The following DEAF1 variants were observed in gnomAD, a reference collection of about 807,000 sequenced individuals.
DEAF1 encodes the protein deformed epidermal autoregulatory factor 1 homolog.
DEAF1 carries 53 observed loss-of-function variants against 58.9 expected under a neutral mutation model. The observed-to-expected ratio is 0.90, with a 90% CI of 0.72 to 1.13. The LOEUF is 1.13. DEAF1 is among the 50% of genes most tolerant of loss of function. DEAF1 has a pLI of 0.00. For missense variants in DEAF1, 685 were observed against 791.4 expected (o/e 0.87, Z 1.61); for synonymous variants, 385 against 340.4 (o/e 1.13, Z -1.44).
At chr11:701,441 C>T (rs568235619) in intron 1 of DEAF1, among the ~76,000 whole-genome samples, 43 of 129,724 alleles carry the variant, frequency 3.3e-4, no homozygotes, top group African/African-American at 8.7e-4. Context: ...GACAGAGTCT[C>T]GCTCTGTCGC....
intron 10 of DEAF1, among the ~76,000 whole-genome samples, chr11:673,442 C>T (rs1474437914): frequency 3.3e-5 from 5 of 152,030 alleles, no homozygotes; most frequent in Non-Finnish European, 5.9e-5. Flanking sequence ...GCACAAGAAT[C>T]GCTGGAGCCC....
chr11:649,951 G>A (rs181856689), intron 11 of DEAF1, among the ~76,000 whole-genome samples: 101 of 151,124 alleles, frequency 6.7e-4, no homozygotes, highest in African/African-American at 2.2e-3. Context: ...ACTTGAACCC[G>A]GGACGTTGAG....
chr11:660,347 C>G (rs941159252), intron 10 of DEAF1, among the ~76,000 whole-genome samples: 1 of 152,352 alleles, frequency 6.6e-6, no homozygotes, highest in African/African-American at 2.4e-5. Flanking sequence ...AGATTTACAA[C>G]CTGTCCCCGC....
At chr11:678,423 G>C in intron 9 of DEAF1, 2 of 412,282 alleles carry the variant, frequency 4.9e-6, no homozygotes, top group Admixed American at 7.0e-5. Flanking sequence ...AGAACTTCAG[G>C]CTTCACAGGC....
At chr11:671,768 A>C (rs1859833341) in intron 10 of DEAF1, among the ~76,000 whole-genome samples, 1 of 141,846 alleles carries the variant, frequency 7.0e-6, no homozygotes, top group East Asian at 2.3e-4. Flanking sequence ...CCGTATTTCC[A>C]GGAGTTTGAG....
At chr11:649,260 C>G (rs1313079382) in intron 11 of DEAF1, among the ~76,000 whole-genome samples, 1 of 149,960 alleles carries the variant, frequency 6.7e-6, no homozygotes, top group Non-Finnish European at 1.5e-5. Flanking sequence ...CACACACACA[C>G]AACAACAACA....
At chr11:660,364 C>T (rs1859267473) in intron 10 of DEAF1, among the ~76,000 whole-genome samples, 1 of 152,208 alleles carries the variant, frequency 6.6e-6, no homozygotes, top group Non-Finnish European at 1.5e-5. Context: ...CCGCCCCTGC[C>T]CCAGAAAGCC....
intron 10 of DEAF1, among the ~76,000 whole-genome samples, chr11:657,146 C>CTA (rs1859097576): frequency 6.6e-6 from 1 of 151,982 alleles, no homozygotes; most frequent in African/African-American, 2.4e-5. Flanking sequence ...GCCTCACTCT[C>CTA]TAAGACTTCC....
At chr11:678,391 G>A in intron 9 of DEAF1, 1 of 384,264 alleles carries the variant, frequency 2.6e-6, no homozygotes, top group Non-Finnish European at 5.0e-6. Flanking sequence ...CCCTCAAGAG[G>A]ACAACAGCAA....
intron 7 of DEAF1, 28 bp from the exon 8 acceptor site, chr11:679,844 G>A (rs192300577): frequency 2.2e-5 from 36 of 1,611,188 alleles, no homozygotes; most frequent in Middle Eastern, 1.7e-4. Flanking sequence ...CATTTCACGC[G>A]GCCAGGCAGT....
chr11:686,030 C>T (rs1860578523), intron 5 of DEAF1, among the ~76,000 whole-genome samples: 1 of 151,520 alleles, frequency 6.6e-6, no homozygotes, highest in African/African-American at 2.4e-5. Flanking sequence ...CACCTGTAAT[C>T]CCAGCACTTT....
Position 674,582 on chromosome 11 carries a change from G to T in DEAF1, c.1457C>A (p.Ala486Asp), listed in dbSNP as rs201251172. Residue 486 changes from alanine to aspartate, a missense_variant, in exon 10 of 12, where the codon GCT becomes GAT. Transcript: ENST00000382409. Reference sequence around the variant, plus strand: ...GTGGATCTTGGCCTGGTTTGTGGCAGCTTCTCGGTAGGTGCTGGCATGCTT... The same window carrying T: ...GTGGATCTTGGCCTGGTTTGTGGCATCTTCTCGGTAGGTGCTGGCATGCTT... ...QAKHASTYREAATNQAKIHAD... is the reference protein window; with the variant it reads ...QAKHASTYREDATNQAKIHAD... 1 of 1,614,178 alleles carries T rather than the reference G, an allele frequency of 6.2e-7. No homozygotes were observed. The highest frequency in any genetic ancestry group is 8.5e-7 in the Non-Finnish European group (1 of 1,180,032).
In DEAF1 at chr11:671,853, A is replaced by C. The variant is rs747023737; in HGVS notation, c.1503+2683T>G. ...AAAAAAAAAAAAAAAAAAAAAAGAA[A>C]CACAAAAAACACTAATCACATATTG... On this transcript the variant is annotated intron_variant, in intron 10 of 11. Transcript: ENST00000382409. 3.9e-3 allele frequency among the ~76,000 whole-genome samples: 562 copies of C among 142,774 alleles called. 3 individuals are homozygous for C. Among genetic ancestry groups the C allele is most frequent in the Non-Finnish European group, 6.2e-3 (404 of 64,764 alleles). 93.7% of individuals were successfully genotyped at this position (142,774 alleles called of 152,430 possible).
upstream of DEAF1, chr11:698,938 T>A: frequency 6.2e-7 from 1 of 1,612,536 alleles, no homozygotes; most frequent in Non-Finnish European, 8.5e-7. Context: ...CCCGAATTGC[T>A]GCTGCACAGA....
chr11:677,238 C>T (rs1199332616), intron 9 of DEAF1, among the ~76,000 whole-genome samples: 2 of 152,060 alleles, frequency 1.3e-5, no homozygotes, highest in African/African-American at 2.4e-5. Context: ...GTAAGCCACA[C>T]GCCTGTAATC....
chr11:693,032 C>T (rs184538696), intron 1 of DEAF1, among the ~76,000 whole-genome samples: 10 of 152,304 alleles, frequency 6.6e-5, no homozygotes, highest in East Asian at 1.9e-4. Flanking sequence ...CCTCCTCAGG[C>T]GGCAGCGTGT....
In DEAF1 at chr11:678,810, C is replaced by T. The variant is rs1860197075; in HGVS notation, c.1139G>A (p.Ser380Asn). 11 of 1,614,110 alleles carry T rather than the reference C, an allele frequency of 6.8e-6. No homozygotes were observed. The South Asian group carries it at 1.2e-4, about 18-fold the overall frequency. Residue 380 changes from serine to asparagine, a missense_variant, in exon 9 of 12, where the codon AGC (serine) becomes AAC (asparagine). Ser to Asn is a conservative substitution (Grantham distance 46). Transcript: ENST00000382409. ...VFAGATVQEASVQPPCRASHP... is the reference protein window; with the variant it reads ...VFAGATVQEANVQPPCRASHP... ...GCTGGCCCTGCATGGGGGCTGCACG[C>T]TGGCCTCTTGGACTGTTGGGGAGAA...
rs542037834 is a variant in DEAF1, at chr11:695,026, C to A, written c.22G>T (p.Ala8Ser). MEDSDSA[A>S]KQLGLAEAAA... ...GCCTCAGCCAGGCCCAGCTGCTTTG[C>A]CGCCGAGTCCGAGTCCTCCATCCGG... The change falls in exon 1 of 12, where the codon GCA becomes TCA. Residue 8 changes from alanine (A) to serine (S), a missense_variant. Transcript: ENST00000382409. 6 of 1,398,154 alleles carry A rather than the reference C, an allele frequency of 4.3e-6. No individual in the cohort carries two copies. In the African/African-American group the frequency reaches 6.1e-5, roughly 14 times the overall value. 86.6% of individuals were successfully genotyped at this position (1,398,154 alleles called of 1,614,324 possible). A position where few individuals can be genotyped will look rare whatever the true frequency, so the allele number is the denominator to read the frequency against.
intron 8 of DEAF1, 37 bp downstream of exon 8, chr11:679,651 G>A: frequency 6.2e-7 from 1 of 1,606,472 alleles, no homozygotes; most frequent in Non-Finnish European, 8.5e-7. Context: ...ACAGGGATAT[G>A]CTGAGGACGC....
Sources: allele counts gnomAD v4.1 joint callset (sites outside exome capture counted in the v4.1 genomes callset), GRCh38; gene constraint gnomAD v4.1.1; transcripts MANE v1.5; gene names NCBI Gene and HGNC (gene_info 2026-07-23, HGNC 2026-07-21).